The following TNKS1BP1 variants were observed in gnomAD, a reference collection of about 807,000 sequenced individuals.
TNKS1BP1 encodes CCR4-NOT transcription complex subunit 12.
Under a neutral mutation model 141.1 loss-of-function variants are expected in TNKS1BP1, and 48 were observed. The ratio of observed to expected loss-of-function variants is 0.34; its 90% CI spans 0.27 to 0.43. The LOEUF (loss-of-function observed/expected upper bound fraction) is 0.43, where lower values mean the gene tolerates loss of function less well. Ranked by LOEUF, TNKS1BP1 falls within the 20% of genes least tolerant of loss-of-function variation. The pLI is 1.00. For missense variants in TNKS1BP1, 2,149 were observed against 2,226.0 expected (o/e 0.97, Z 0.70); for synonymous variants, 875 against 898.2 (o/e 0.97, Z 0.46).
rs781168413 is a variant in TNKS1BP1 at position 57,320,267 on chromosome 11, G to A, written c.540C>T (p.Asp180=). 27 of 1,614,102 alleles carry A rather than the reference G, an allele frequency of 1.7e-5. No individual in the cohort carries two copies. The highest frequency in any genetic ancestry group is 2.2e-5 in the Non-Finnish European group (26 of 1,180,058). Residue 180 remains aspartate, a synonymous_variant, in exon 3 of 12, where the codon GAC becomes GAT. Transcript: ENST00000358252. ...AGGTGAGGCGGGAACCCCACAGGCG[G>A]TCGGGGCTGGCAAGGACCTCCTTCC... ...QPRKEVLASP[D]RLWGSRLTFN...
At chr11:57,315,468 A>G (rs1271518912) in intron 4 of TNKS1BP1, among the ~76,000 whole-genome samples, 1 of 152,100 alleles carries the variant, frequency 6.6e-6, no homozygotes, top group Non-Finnish European at 1.5e-5. Flanking sequence ...AGCTGGGCCA[A>G]TCCTAGCCCA....
In TNKS1BP1 at chr11:57,310,576, A is replaced by AG. The variant is rs1192852130; in HGVS notation, c.2155-21_2155-20insC. On this transcript the variant is annotated intron_variant, in intron 5 of 11. Transcript: ENST00000358252. ...GAGTCCCTGGGAATAAGAAAAAAAA[A>AG]CAGACAAAGAAACAACGATTAGATT... The AG allele has an allele frequency of 2.5e-6, 4 of 1,584,854 alleles. No individual in the cohort carries two copies. Among genetic ancestry groups the AG allele is most frequent in the East Asian group, 4.5e-5 (2 of 44,686 alleles).
At position 57,302,772 on chromosome 11, in the gene TNKS1BP1, T is replaced by G. The variant is rs1191419445; in HGVS notation, c.4370A>C (p.Glu1457Ala). ...GGAGCTGCTGGCTGCCAGCATCTCCTCCAGCAGGCCCTGGGAGCCGGAGGG... is the reference window on the plus strand; with the variant it reads ...GGAGCTGCTGGCTGCCAGCATCTCCGCCAGCAGGCCCTGGGAGCCGGAGGG... Reference protein sequence around the residue: ...PPPSGSQGLLEEMLAASSSKA... With the variant: ...PPPSGSQGLLAEMLAASSSKA... The change falls in exon 7 of 12, where the codon GAG becomes GCG. Residue 1457 changes from glutamate to alanine, a missense_variant. Physicochemically the swap from Glu to Ala is moderately radical, Grantham distance 107. Coordinates refer to ENST00000358252, the MANE Select transcript of TNKS1BP1 (RefSeq NM_033396.3). The surrounding 1 kb of genome is among the most constrained non-coding windows in gnomAD (Gnocchi z 5.5). 1 of 1,563,852 alleles carries G rather than the reference T, an allele frequency of 6.4e-7. No homozygotes were observed. Among genetic ancestry groups the G allele is most frequent in the Non-Finnish European group, 8.6e-7 (1 of 1,158,546 alleles).
At chr11:57,314,416 A>C (rs180676660) in intron 4 of TNKS1BP1, among the ~76,000 whole-genome samples, 1 of 152,282 alleles carries the variant, frequency 6.6e-6, no homozygotes, top group Non-Finnish European at 1.5e-5. Context: ...GGTGCCAAGG[A>C]AGCAGGAAGG....
chr11:57,301,620 G>A (rs757211340), intron 9 of TNKS1BP1, among the ~76,000 whole-genome samples, 187 bp downstream of exon 9: 2 of 152,152 alleles, frequency 1.3e-5, no homozygotes, highest in Non-Finnish European at 2.9e-5. Context: ...ATCCCATTTG[G>A]CACACAGCAT....
chr11:57,302,863 G>C lies in TNKS1BP1; in HGVS notation c.4317-38C>G. On this transcript the variant is annotated intron_variant, in intron 6 of 11. Transcript: ENST00000358252. The surrounding 1 kb of genome is among the most constrained non-coding windows in gnomAD (Gnocchi z 5.5). ...CAGAGAGAGAACGAGATCATCGTAA[G>C]GCCCCATCTCCCTGCCCTGAAGCCT... 16 of 1,481,484 alleles carry C rather than the reference G, an allele frequency of 1.1e-5. No homozygotes were observed. Among genetic ancestry groups the C allele is most frequent in the Non-Finnish European group, 1.4e-5 (16 of 1,119,132 alleles). 91.8% of individuals were successfully genotyped at this position (1,481,484 alleles called of 1,614,324 possible).
rs376460337 is a variant in TNKS1BP1, at chr11:57,320,480, A to G, written c.327T>C (p.Thr109=). 17 of 1,607,990 alleles carry G rather than the reference A, an allele frequency of 1.1e-5. No homozygotes were observed. The African/African-American group carries it at 1.9e-4, about 18-fold the overall frequency. Residue 109 remains threonine, a synonymous_variant, in exon 3 of 12, where the codon ACT becomes ACC. Transcript: ENST00000358252. ...FAPRPAVEAS[T]GGEATQETGK... is the part of the protein sequence containing the mutation. ...CAGTCTCTTGGGTGGCTTCTCCTCC[A>G]GTGGAGGCCTCAACCGCAGGCCTTG... is the stretch of plus-strand genomic sequence containing the variant.
chr11:57,313,462 T>C lies in TNKS1BP1; in HGVS notation c.1226A>G (p.Glu409Gly). The change falls in exon 5 of 12, where the codon GAG (glutamate) becomes GGG (glycine). Residue 409 changes from glutamate (E) to glycine (G), a missense_variant. Glu to Gly is a moderately conservative substitution (Grantham distance 98). Coordinates refer to ENST00000358252, the MANE Select transcript of TNKS1BP1 (RefSeq NM_033396.3). ...DLTRTFPSGG[E>G]EEAKGDAHLR... ...GTGTGCGTCACCCTTGGCCTCCTCC[T>C]CCCCGCCAGATGGAAACGTCCGAGT... 1 of 1,592,786 alleles carries C rather than the reference T, an allele frequency of 6.3e-7. No homozygotes were observed. Among genetic ancestry groups the C allele is most frequent in the Admixed American group, 1.7e-5 (1 of 57,578 alleles).
chr11:57,307,340 C>A (rs1340715439), intron 6 of TNKS1BP1, among the ~76,000 whole-genome samples: 1 of 152,122 alleles, frequency 6.6e-6, no homozygotes, highest in African/African-American at 2.4e-5. Context: ...TCAATGCAGC[C>A]TCAGTGGTTC....
At position 57,320,706 on chromosome 11, in the gene TNKS1BP1, G is replaced by A. The variant is rs775394789; in HGVS notation, c.101C>T (p.Thr34Ile). Reference sequence around the variant, plus strand: ...GGGCTTGACAGGGGGTTTGGCCCGAGTGTCACCTACCAAAAGGAAAGGGTT... The same window carrying A: ...GGGCTTGACAGGGGGTTTGGCCCGAATGTCACCTACCAAAAGGAAAGGGTT... Reference protein sequence around the residue: ...LVPTGSEPGDTRAKPPVKPKP... With the variant: ...LVPTGSEPGDIRAKPPVKPKP... The change falls in exon 3 of 12, where the codon ACT (threonine) becomes ATT (isoleucine). Residue 34 changes from threonine to isoleucine, a missense_variant. Thr to Ile is a moderately conservative substitution (Grantham distance 89). Coordinates refer to ENST00000358252, the MANE Select transcript of TNKS1BP1 (RefSeq NM_033396.3). 2.5e-6 allele frequency: 4 copies of A among 1,577,814 alleles called. No homozygotes were observed. In the East Asian group the frequency reaches 9.0e-5, roughly 36 times the overall value.
In TNKS1BP1 at chr11:57,320,670, G is replaced by C; in HGVS notation, c.137C>G (p.Ala46Gly). 6.2e-7 allele frequency: 1 copy of C among 1,609,356 alleles called. No homozygotes were observed. The highest frequency in any genetic ancestry group is 8.5e-7 in the Non-Finnish European group (1 of 1,178,308). Residue 46 changes from alanine to glycine, a missense_variant, in exon 3 of 12, where the codon GCC becomes GGC. Coordinates refer to ENST00000358252, the MANE Select transcript of TNKS1BP1 (RefSeq NM_033396.3). ...AKPPVKPKPR[A>G]LPAKPALPAK... Reference sequence around the variant, plus strand: ...AGGCAGGGCTGGCTTGGCAGGCAGGGCCCGGGGTTTGGGCTTGACAGGGGG... The same window carrying C: ...AGGCAGGGCTGGCTTGGCAGGCAGGCCCCGGGGTTTGGGCTTGACAGGGGG...
In TNKS1BP1 at chr11:57,313,511, C is replaced by T. The variant is rs1314734270; in HGVS notation, c.1177G>A (p.Glu393Lys). 7.6e-6 allele frequency: 12 copies of T among 1,572,390 alleles called. No homozygotes were observed. The East Asian group carries it at 1.8e-4, about 24-fold the overall frequency. Residue 393 changes from glutamate to lysine, a missense_variant, in exon 5 of 12, where the codon GAG becomes AAG. Glu to Lys is a moderately conservative substitution (Grantham distance 56). Coordinates refer to ENST00000358252, the MANE Select transcript of TNKS1BP1 (RefSeq NM_033396.3). ...PPATSPRPLI[E>K]VGELLDLTRT... is the part of the protein sequence containing the mutation. Reference sequence around the variant, plus strand: ...GTGAGATCCAGCAACTCACCCACCTCGATCAGGGGCCGGGGTGAGGTGGCA... The same window carrying T: ...GTGAGATCCAGCAACTCACCCACCTTGATCAGGGGCCGGGGTGAGGTGGCA...
chr11:57,319,726 C>T (rs541758724), intron 3 of TNKS1BP1, among the ~76,000 whole-genome samples: 69 of 146,874 alleles, frequency 4.7e-4, no homozygotes, highest in African/African-American at 1.4e-3. Context: ...GAGATCGCAC[C>T]ACTGCACTCC....
chr11:57,311,311 A>G (rs1021169802), intron 5 of TNKS1BP1: 20 of 985,696 alleles, frequency 2.0e-5, no homozygotes, highest in Non-Finnish European at 2.4e-5. Flanking sequence ...AGCGTTGGCC[A>G]GCAGCCGCTC....
chr11:57,317,693 T>C, intron 4 of TNKS1BP1, 125 bp downstream of exon 4: 2 of 1,024,914 alleles, frequency 2.0e-6, no homozygotes, highest in Non-Finnish European at 2.9e-6. Context: ...AGCCCTCCAG[T>C]GAGTCACTCT....
chr11:57,302,824 G>A lies in TNKS1BP1; in HGVS notation c.4318C>T (p.Pro1440Ser). The A allele has an allele frequency of 2.6e-6, 4 of 1,526,676 alleles. No individual in the cohort carries two copies. The highest frequency in any genetic ancestry group is 3.5e-6 in the Non-Finnish European group (4 of 1,140,078). The allele number at this position is 1,526,676 out of a possible 1,614,324, so 94.6% of individuals were successfully genotyped here. A position where few individuals can be genotyped will look rare whatever the true frequency, so the allele number is the denominator to read the frequency against. Reference protein sequence around the residue: ...TGEALSFGASPGRCPARPPPS... With the variant: ...TGEALSFGASSGRCPARPPPS... ...GGGGGGCGGGCCGGGCACCTGCCAGGGCTGTAAAGGGGACAGAGAGAGAAC... is the reference window on the plus strand; with the variant it reads ...GGGGGGCGGGCCGGGCACCTGCCAGAGCTGTAAAGGGGACAGAGAGAGAAC... Residue 1440 changes from proline (P) to serine (S), a missense_variant and splice_region_variant, in exon 7 of 12, where the codon CCT becomes TCT. Pro to Ser is a moderately conservative substitution (Grantham distance 74). Transcript: ENST00000358252. The surrounding 1 kb of genome is among the most constrained non-coding windows in gnomAD (Gnocchi z 5.5).
In TNKS1BP1 at chr11:57,300,440, G is replaced by A. The variant is rs1855507982; in HGVS notation, c.*12+88C>T. ...TAAACTTGCACAGAAAGGGGTGGGA[G>A]CTAAGGGACAGAAGGGGCATGAGGC... On this transcript the variant is annotated intron_variant, in intron 11 of 11. Coordinates refer to ENST00000358252, the MANE Select transcript of TNKS1BP1 (RefSeq NM_033396.3). The A allele has an allele frequency of 4.1e-6, 5 of 1,220,306 alleles. No individual in the cohort carries two copies. In the East Asian group the frequency reaches 1.2e-4, roughly 29 times the overall value. The allele number at this position is 1,220,306 out of a possible 1,614,324, so 75.6% of individuals were successfully genotyped here.
chr11:57,302,897 A>G lies in TNKS1BP1; in HGVS notation c.4317-72T>C. 1 of 1,423,772 alleles carries G rather than the reference A, an allele frequency of 7.0e-7. No individual in the cohort carries two copies. The highest frequency in any genetic ancestry group is 9.2e-7 in the Non-Finnish European group (1 of 1,087,488). The allele number at this position is 1,423,772 out of a possible 1,614,324, so 88.2% of individuals were successfully genotyped here. ...TCCCTGCCCTGAAGCCTACTTCACA[A>G]GCTCCTTCCCCCAGCCCCCAAACTC... On this transcript the variant is annotated intron_variant, in intron 6 of 11. Transcript: ENST00000358252. This position sits in a 1 kb window ranked among gnomAD's most constrained non-coding sequence, Gnocchi z 5.5.
Position 57,308,963 on chromosome 11 carries a change from C to T in TNKS1BP1, c.3748G>A (p.Ala1250Thr), listed in dbSNP as rs1222122288. Reference sequence around the variant, plus strand: ...GTCTGCCCCACGCCACTCTCTCTGGCCTGGCTGTGGCCTCCTCCCTCCCCG... The same window carrying T: ...GTCTGCCCCACGCCACTCTCTCTGGTCTGGCTGTGGCCTCCTCCCTCCCCG... ...EVGEGGGHSQARESGVGQTDW... is the reference protein window; with the variant it reads ...EVGEGGGHSQTRESGVGQTDW... Residue 1250 changes from alanine to threonine, a missense_variant, in exon 6 of 12, where the codon GCC (alanine) becomes ACC (threonine). By Grantham distance (58) the Ala-to-Thr change is moderately conservative. Coordinates refer to ENST00000358252, the MANE Select transcript of TNKS1BP1 (RefSeq NM_033396.3). The T allele has an allele frequency of 7.4e-6, 12 of 1,614,186 alleles. No homozygotes were observed. In the East Asian group the frequency reaches 2.7e-4, roughly 36 times the overall value.
Sources: gnomAD v4.1 joint callset for allele counts (sites outside exome capture counted in the v4.1 genomes callset) on GRCh38, gnomAD v4.1.1 for gene constraint, Gnocchi (gnomAD v3.1) non-coding constraint, MANE v1.5 for transcripts, NCBI Gene and HGNC (gene_info 2026-07-23, HGNC 2026-07-21) for gene names.